TRIM66: variants seen among roughly 807,000 people sequenced by gnomAD.
TRIM66 encodes tripartite motif-containing protein 66.
TRIM66 carries 99 observed loss-of-function variants against 148.2 expected under a neutral mutation model. That is an observed-to-expected ratio of 0.67 (90% CI 0.57 to 0.79). The LOEUF (loss-of-function observed/expected upper bound fraction) is 0.79, where lower values mean the gene tolerates loss of function less well. Ranked by LOEUF, TRIM66 falls within the 30% of genes least tolerant of loss-of-function variation. TRIM66 has a pLI of 0.00. For synonymous variants in TRIM66, 616 were observed against 635.9 expected, an observed-to-expected ratio of 0.97 and a Z score of 0.47; for missense variants, 1,666 against 1,697.9, an observed-to-expected ratio of 0.98 and a Z score of 0.33.
intron 18 of TRIM66, 117 bp from the exon 19 acceptor site, chr11:8,621,936 T>A (rs896417228): frequency 1.1e-5 from 12 of 1,053,282 alleles, no homozygotes; most frequent in Non-Finnish European, 1.6e-5. Context: ...CTTGATTGGA[T>A]TGAAGGATAC....
At chr11:8,673,167 A>T (rs928201417) in intron 4 of TRIM66, among the ~76,000 whole-genome samples, 1 of 150,862 alleles carries the variant, frequency 6.6e-6, no homozygotes, top group Non-Finnish European at 1.5e-5. Flanking sequence ...TGACCTCATG[A>T]TCCACCCGCC....
At chr11:8,671,443 G>A (rs2038925182) in intron 6 of TRIM66, among the ~76,000 whole-genome samples, 1 of 152,156 alleles carries the variant, frequency 6.6e-6, no homozygotes, top group Non-Finnish European at 1.5e-5. Context: ...AACCCTAGGA[G>A]GCCAGCCATT....
intron 18 of TRIM66, among the ~76,000 whole-genome samples, 185 bp from the exon 19 acceptor site, chr11:8,622,004 G>C (rs972361637): frequency 6.6e-6 from 1 of 152,078 alleles, no homozygotes; most frequent in African/African-American, 2.4e-5. Flanking sequence ...TAACATTTGA[G>C]TCAGTGGGCT....
rs371926410 is a variant in TRIM66 at position 8,668,590 on chromosome 11, A to AT, written c.340+3195dup. Among the ~76,000 whole-genome samples the AT allele has an allele frequency of 3.3e-3, 480 of 143,718 alleles. 2 individuals carry two copies. The highest frequency in any genetic ancestry group is 4.7e-3 in the Non-Finnish European group (307 of 65,022). 94.3% of individuals were successfully genotyped at this position (143,718 alleles called of 152,430 possible). ...TGGCATATTCCTTTTATTTTTATTT[A>AT]TTTTTTTTTTTTTGAGATGGAGTCT... On this transcript the variant is annotated intron_variant, in intron 6 of 24. Coordinates refer to ENST00000646038, the MANE Select transcript of TRIM66 (RefSeq NM_001388022.1).
intron 18 of TRIM66, 74 bp downstream of exon 18, chr11:8,622,742 A>T: frequency 7.3e-7 from 1 of 1,364,078 alleles, no homozygotes; most frequent in Non-Finnish European, 1.0e-6. Flanking sequence ...TTCATCAAGG[A>T]TGCTTCATCC....
chr11:8,642,584 C>T (rs574264606), intron 13 of TRIM66, among the ~76,000 whole-genome samples: 3 of 152,244 alleles, frequency 2.0e-5, no homozygotes, highest in East Asian at 3.9e-4. Context: ...CAAACATGCA[C>T]ACGCAGTCTC....
chr11:8,676,697 C>T (rs2039194800), intron 3 of TRIM66, among the ~76,000 whole-genome samples: 2 of 152,196 alleles, frequency 1.3e-5, no homozygotes, highest in Admixed American at 1.3e-4. Flanking sequence ...GGTCAAATGA[C>T]CCCATTTCTG....
intron 3 of TRIM66, among the ~76,000 whole-genome samples, chr11:8,676,653 C>CCA (rs1423430050): frequency 6.6e-6 from 1 of 152,218 alleles, no homozygotes; most frequent in African/African-American, 2.4e-5. Context: ...AAAGGCACAG[C>CCA]CACACAATGA....
Position 8,617,573 on chromosome 11 carries a change from T to G in TRIM66, c.*371A>C, listed in dbSNP as rs953818461. 4.3e-6 allele frequency: 1 copy of G among 231,140 alleles called. No homozygotes were observed. Among genetic ancestry groups the G allele is most frequent in the Non-Finnish European group, 8.5e-6 (1 of 117,914 alleles). 14.3% of individuals were successfully genotyped at this position (231,140 alleles called of 1,614,324 possible). On this transcript the variant is annotated 3_prime_UTR_variant, in exon 25 of 25. Transcript: ENST00000646038. ...CCCAGGAGGAGTTCAGATGTATACA[T>G]GGCTCCTGAGCCCTGGACACTAAAA...
Position 8,680,855 on chromosome 11 carries a change from G to A in TRIM66, c.-547-792C>T, listed in dbSNP as rs545852451. 2.0e-5 allele frequency: 3 copies of A among 152,376 alleles called. No individual in the cohort carries two copies. In the East Asian group the frequency reaches 5.8e-4, roughly 29 times the overall value. 9.4% of individuals were successfully genotyped at this position (152,376 alleles called of 1,614,324 possible). A position where few individuals can be genotyped will look rare whatever the true frequency, so the allele number is the denominator to read the frequency against. On this transcript the variant is annotated intron_variant, in intron 1 of 24. Transcript: ENST00000646038. ...GATGGAAGAACCTGAAAAGAAGACT[G>A]AAAAGTGACCAAAGAGTAGGAGGAA... is the stretch of plus-strand genomic sequence containing the variant.
At chr11:8,635,752 C>G (rs1046251673) in intron 15 of TRIM66, among the ~76,000 whole-genome samples, 2 of 152,148 alleles carry the variant, frequency 1.3e-5, no homozygotes, top group African/African-American at 4.8e-5. Context: ...CTTTGCTAAC[C>G]CCATTGCCAA....
intron 16 of TRIM66, 30 bp from the exon 17 acceptor site, chr11:8,624,581 A>G (rs2034629521): frequency 6.6e-7 from 1 of 1,513,866 alleles, no homozygotes; most frequent in African/African-American, 1.4e-5. Flanking sequence ...GACAAGAATC[A>G]AAGAACTCAG....
At chr11:8,667,772 C>T (rs1271134031) in intron 6 of TRIM66, among the ~76,000 whole-genome samples, 1 of 152,206 alleles carries the variant, frequency 6.6e-6, no homozygotes, top group East Asian at 1.9e-4. Context: ...GAATAATATT[C>T]CATTATATGT....
At chr11:8,676,323 A>G (rs1275515763) in intron 3 of TRIM66, among the ~76,000 whole-genome samples, 1 of 152,162 alleles carries the variant, frequency 6.6e-6, no homozygotes, top group African/African-American at 2.4e-5. Flanking sequence ...GCAGTTTTAC[A>G]TAACATTGCT....
intron 15 of TRIM66, among the ~76,000 whole-genome samples, chr11:8,633,220 G>T (rs2035576647): frequency 6.6e-6 from 1 of 152,276 alleles, no homozygotes; most frequent in East Asian, 1.9e-4. Flanking sequence ...TACTCAGGAG[G>T]CTGAGACAGG....
At chr11:8,623,626 C>A (rs771624536) in intron 17 of TRIM66, among the ~76,000 whole-genome samples, 1 of 152,048 alleles carries the variant, frequency 6.6e-6, no homozygotes, top group Non-Finnish European at 1.5e-5. Context: ...ATACATTGAA[C>A]GAAAAAAGTC....
At position 8,672,265 on chromosome 11, in the gene TRIM66, G is replaced by A. The variant is rs889253281; in HGVS notation, c.10C>T (p.Leu4Phe). The change falls in exon 5 of 25, where the codon CTC becomes TTC. Residue 4 changes from leucine (L) to phenylalanine (F), a missense_variant. Leu to Phe is a conservative substitution (Grantham distance 22). This residue lies in a region of TRIM66 where 1,431 missense variants were observed against 1,412.4 expected (regional missense o/e 1.01). Coordinates refer to ENST00000646038, the MANE Select transcript of TRIM66 (RefSeq NM_001388022.1). ...TTCCTCACCTGGGACCAAAAAGAGA[G>A]TCTAGCCATCTCTGCCGTGGAAAAC... Reference protein sequence around the residue: MARLSFWSQGVELA... With the variant: MARFSFWSQGVELA... 6.5e-7 allele frequency: 1 copy of A among 1,536,142 alleles called. No homozygotes were observed. The highest frequency in any genetic ancestry group is 1.2e-5 in the South Asian group (1 of 84,058).
At chr11:8,627,181 A>G (rs1787865990) in intron 15 of TRIM66, among the ~76,000 whole-genome samples, 2 of 152,302 alleles carry the variant, frequency 1.3e-5, no homozygotes, top group East Asian at 3.9e-4. Flanking sequence ...ATTTTTATCT[A>G]TTTTGCTTAC....
At chr11:8,677,544 C>T (rs957399251) in intron 3 of TRIM66, among the ~76,000 whole-genome samples, 6 of 151,832 alleles carry the variant, frequency 4.0e-5, no homozygotes, top group East Asian at 1.9e-4. Context: ...TTTGGGAGGG[C>T]GAGGTAGGAG....
Sources: allele counts gnomAD v4.1 joint callset (sites outside exome capture counted in the v4.1 genomes callset), GRCh38; gene constraint gnomAD v4.1.1; regional missense constraint gnomAD v4.1.1; transcripts MANE v1.5; gene names NCBI Gene and HGNC (gene_info 2026-07-23, HGNC 2026-07-21).